Variants in NELL1 observed in about 807,000 individuals in gnomAD.
NELL1 encodes the protein protein kinase C-binding protein NELL1.
A neutral mutation model predicts 107.4 loss-of-function variants in NELL1; 76 were observed. The ratio of observed to expected loss-of-function variants is 0.71; its 90% CI spans 0.59 to 0.86. The LOEUF is 0.86. NELL1 is among the 40% of genes least tolerant of loss of function. NELL1 has a pLI of 0.00. For missense variants in NELL1, 1,024 were observed against 1,005.5 expected, an observed-to-expected ratio of 1.02 and a Z score of -0.25; for synonymous variants, 353 against 341.2, an observed-to-expected ratio of 1.03 and a Z score of -0.38.
intron 9 of NELL1, among the ~76,000 whole-genome samples, chr11:20,936,637 A>G (rs1014641915): frequency 1.3e-5 from 2 of 152,048 alleles, no homozygotes; most frequent in Non-Finnish European, 2.9e-5. Context: ...CACTGATGTT[A>G]TTATGTAATT....
chr11:21,335,235 T>C (rs1167435973), intron 14 of NELL1, among the ~76,000 whole-genome samples: 1 of 152,060 alleles, frequency 6.6e-6, no homozygotes, highest in Non-Finnish European at 1.5e-5. Flanking sequence ...CCTGAGATAT[T>C]TCCTATAGAT....
intron 13 of NELL1, chr11:21,169,949 A>G (rs1856567879): frequency 2.1e-6 from 3 of 1,457,328 alleles, no homozygotes; most frequent in African/African-American, 1.4e-5. Context: ...CTGGACCAAG[A>G]GCCCTCTCTT....
Position 20,788,344 on chromosome 11 carries a change from C to T in NELL1, c.335+4514C>T, listed in dbSNP as rs562323516. On this transcript the variant is annotated intron_variant, in intron 3 of 19. Coordinates refer to ENST00000357134, the MANE Select transcript of NELL1 (RefSeq NM_006157.5). Reference sequence around the variant, plus strand: ...GCAGCGTTTGAGGGTTTCGATTTTTCCACATCCTTGTCAACACTAGTTATT... The same window carrying T: ...GCAGCGTTTGAGGGTTTCGATTTTTTCACATCCTTGTCAACACTAGTTATT... 4.6e-5 allele frequency among the ~76,000 whole-genome samples: 7 copies of T among 152,318 alleles called. No homozygotes were observed. In the South Asian group the frequency reaches 1.5e-3, roughly 32 times the overall value.
chr11:20,738,126 CA>C (rs1564887207), intron 2 of NELL1, among the ~76,000 whole-genome samples: 1 of 151,926 alleles, frequency 6.6e-6, no homozygotes, highest in Admixed American at 6.6e-5. Context: ...AGATCACAGC[CA>C]ATATTTCTGC....
intron 12 of NELL1, among the ~76,000 whole-genome samples, chr11:20,965,549 C>G (rs2063913): frequency 0.077 from 11,682 of 152,142 alleles, 630 homozygotes; most frequent in Middle Eastern, 0.21. Flanking sequence ...GGCACTAAGC[C>G]TAATAATGTA....
chr11:20,820,920 C>A lies in NELL1; in HGVS notation c.336-26663C>A, dbSNP rs181345195. ...CTAACAATATATATTTATTTTGTTT[C>A]TTTCTCTTTTCTGTTAGATAAACAA... On this transcript the variant is annotated intron_variant, in intron 3 of 19. Coordinates refer to ENST00000357134, the MANE Select transcript of NELL1 (RefSeq NM_006157.5). Among the ~76,000 whole-genome samples, 304 of 152,186 alleles carry A rather than the reference C, an allele frequency of 2.0e-3. 1 individual carries two copies. Among genetic ancestry groups the A allele is most frequent in the Middle Eastern group, 0.014 (4 of 294 alleles).
chr11:21,293,072 C>G (rs1849305640), intron 14 of NELL1, among the ~76,000 whole-genome samples: 1 of 152,114 alleles, frequency 6.6e-6, no homozygotes, highest in Non-Finnish European at 1.5e-5. Flanking sequence ...CCCAAATAGA[C>G]AAATGGGATC....
chr11:20,814,774 G>A (rs1276400789), intron 3 of NELL1, among the ~76,000 whole-genome samples: 1 of 152,154 alleles, frequency 6.6e-6, no homozygotes, highest in African/African-American at 2.4e-5. Context: ...GAGCTCATGT[G>A]TCTTTTTGTT....
chr11:21,548,073 A>G (rs1290715818), intron 16 of NELL1, among the ~76,000 whole-genome samples: 1 of 151,896 alleles, frequency 6.6e-6, no homozygotes, highest in Non-Finnish European at 1.5e-5. Flanking sequence ...CAAACTATTC[A>G]TTTAGCTTCT....
intron 11 of NELL1, 77 bp downstream of exon 11, chr11:20,947,512 A>G (rs1850988579): frequency 3.9e-6 from 4 of 1,035,030 alleles, no homozygotes; most frequent in Non-Finnish European, 6.1e-6. Context: ...TTTAATGAAT[A>G]GTATGATAAT....
intron 14 of NELL1, among the ~76,000 whole-genome samples, chr11:21,254,679 T>A (rs189828471): frequency 7.2e-5 from 11 of 152,168 alleles, no homozygotes; most frequent in Non-Finnish European, 1.6e-4. Context: ...GCGGTTCAGG[T>A]GGCAGATACA....
At chr11:20,826,845 C>A (rs141583907) in intron 3 of NELL1, among the ~76,000 whole-genome samples, 1 of 151,250 alleles carries the variant, frequency 6.6e-6, no homozygotes, top group Non-Finnish European at 1.5e-5. Flanking sequence ...GTGAGACAGA[C>A]TGGACGTCAG....
chr11:21,147,030 C>T (rs1233326413), intron 13 of NELL1, among the ~76,000 whole-genome samples: 2 of 152,118 alleles, frequency 1.3e-5, no homozygotes, highest in Non-Finnish European at 2.9e-5. Flanking sequence ...GGTGACAGAG[C>T]CAGACTCCTT....
At chr11:21,563,772 C>G (rs1856905210) in intron 17 of NELL1, among the ~76,000 whole-genome samples, 1 of 151,914 alleles carries the variant, frequency 6.6e-6, no homozygotes, top group Admixed American at 6.6e-5. Flanking sequence ...CGACTGAATG[C>G]TCTACTCTGG....
intron 15 of NELL1, among the ~76,000 whole-genome samples, chr11:21,531,716 A>G (rs1397138509): frequency 6.6e-6 from 1 of 152,162 alleles, no homozygotes; most frequent in African/African-American, 2.4e-5. Flanking sequence ...TCCTTGAATG[A>G]GAGTTGATTC....
At chr11:21,218,963 C>G (rs1857685780) in intron 13 of NELL1, among the ~76,000 whole-genome samples, 1 of 152,010 alleles carries the variant, frequency 6.6e-6, no homozygotes, top group Non-Finnish European at 1.5e-5. Flanking sequence ...GTGCAAATAT[C>G]TCTTCAATAT....
Position 21,064,231 on chromosome 11 carries a change from A to G in NELL1, c.1301-49358A>G, listed in dbSNP as rs542401924. Among the ~76,000 whole-genome samples the G allele has an allele frequency of 3.3e-5, 5 of 152,144 alleles. No individual in the cohort carries two copies. The East Asian group carries it at 7.7e-4, about 24-fold the overall frequency. The stretch of plus-strand genomic sequence containing the variant: ...CTCATAGGCCATTGTGTAGTCTTTG[A>G]CTTTTTTCTGAGTGAACTCTTCCAT... On this transcript the variant is annotated intron_variant, in intron 12 of 19. Coordinates refer to ENST00000357134, the MANE Select transcript of NELL1 (RefSeq NM_006157.5).
intron 3 of NELL1, among the ~76,000 whole-genome samples, chr11:20,844,466 CT>C (rs1443577322): frequency 2.0e-5 from 3 of 152,142 alleles, no homozygotes; most frequent in Non-Finnish European, 4.4e-5. Flanking sequence ...CAAAATCTGG[CT>C]TATAATTTTA....
chr11:20,829,223 A>ATT lies in NELL1; in HGVS notation c.336-18340_336-18339dup, dbSNP rs758970966. ...AGGAAATTGACCTTGCTGCAGGACT[A>ATT]TTTTTTTTTTTTTTTTTTTTTGAGA... On this transcript the variant is annotated intron_variant, in intron 3 of 19. Transcript: ENST00000357134. Among the ~76,000 whole-genome samples, 1,065 of 118,754 alleles carry ATT rather than the reference A, an allele frequency of 9.0e-3. 25 individuals carry two copies. Among genetic ancestry groups the ATT allele is most frequent in the African/African-American group, 0.024 (734 of 30,442 alleles). 77.9% of individuals were successfully genotyped at this position (118,754 alleles called of 152,430 possible).
Sources: allele counts gnomAD v4.1 joint callset (sites outside exome capture counted in the v4.1 genomes callset), GRCh38; gene constraint gnomAD v4.1.1; transcripts MANE v1.5; gene names NCBI Gene and HGNC (gene_info 2026-07-23, HGNC 2026-07-21).